Variants in HSDL2 observed in about 807,000 individuals in gnomAD.
HSDL2 encodes hydroxysteroid dehydrogenase-like protein 2.
Under a neutral mutation model 46.3 loss-of-function variants are expected in HSDL2, and 27 were observed. The observed-to-expected ratio is 0.58, with a 90% CI of 0.43 to 0.80. HSDL2 has a LOEUF of 0.80. HSDL2 is among the 30% of genes least tolerant of loss of function. The probability of loss-of-function intolerance (pLI) is 0.00; values close to 1 mark genes in which losing one functional copy is unlikely to be tolerated. For missense variants in HSDL2, 451 were observed against 502.7 expected, an observed-to-expected ratio of 0.90 and a Z score of 0.98; for synonymous variants, 153 against 163.6, an observed-to-expected ratio of 0.94 and a Z score of 0.50.
chr9:112,415,321 C>T (rs150848998), intron 4 of HSDL2, among the ~76,000 whole-genome samples: 9 of 152,258 alleles, frequency 5.9e-5, no homozygotes, highest in African/African-American at 1.9e-4. Context: ...ATACTAACAA[C>T]AGCGATTGTT....
At chr9:112,407,706 T>C (rs1370669921) in intron 3 of HSDL2, among the ~76,000 whole-genome samples, 4 of 152,216 alleles carry the variant, frequency 2.6e-5, no homozygotes, top group Admixed American at 2.0e-4. Context: ...CATGAGCCAC[T>C]GTCCCCAGCC....
intron 9 of HSDL2, 148 bp from the exon 10 acceptor site, chr9:112,459,301 T>C: frequency 1.3e-6 from 1 of 774,798 alleles, no homozygotes. Flanking sequence ...ACGTGCTTAA[T>C]AAATATTTGC....
At chr9:112,459,397 TAAG>T in intron 9 of HSDL2, 49 bp from the exon 10 acceptor site, 1 of 1,567,834 alleles carries the variant, frequency 6.4e-7, no homozygotes, top group Non-Finnish European at 8.7e-7. Flanking sequence ...TTATTAAATT[TAAG>T]AAGAACAGGG....
At chr9:112,404,389 G>T (rs1299570159) in intron 2 of HSDL2, among the ~76,000 whole-genome samples, 5 of 152,224 alleles carry the variant, frequency 3.3e-5, no homozygotes, top group South Asian at 4.2e-4. Flanking sequence ...TCATGGCGGG[G>T]CGTGGTGACT....
rs1222410096 is a variant in HSDL2 at position 112,470,577 on chromosome 9, C to T, written c.*33C>T. 3.3e-6 allele frequency: 4 copies of T among 1,210,394 alleles called. No homozygotes were observed. Among genetic ancestry groups the T allele is most frequent in the Non-Finnish European group, 4.7e-6 (4 of 843,362 alleles). 75.0% of individuals were successfully genotyped at this position (1,210,394 alleles called of 1,614,324 possible). A position where few individuals can be genotyped will look rare whatever the true frequency, so the allele number is the denominator to read the frequency against. On this transcript the variant is annotated 3_prime_UTR_variant, in exon 11 of 11. Transcript: ENST00000398805. ...TATAAAAAAAAAGTCGACTGCTATG[C>T]TCAAAAAGTAAAAAAAGCTCAACAG...
At chr9:112,446,439 T>C (rs938731150) in intron 8 of HSDL2, among the ~76,000 whole-genome samples, 1 of 152,142 alleles carries the variant, frequency 6.6e-6, no homozygotes, top group Non-Finnish European at 1.5e-5. Context: ...GCCTGGGCAA[T>C]GTAGCAATAG....
At chr9:112,403,867 T>C (rs1831662853) in intron 1 of HSDL2, 128 bp from the exon 2 acceptor site, 1 of 853,552 alleles carries the variant, frequency 1.2e-6, no homozygotes, top group African/African-American at 1.7e-5. Flanking sequence ...CAGATGGGCA[T>C]GGGGAGGGTT....
At chr9:112,380,324 C>G (rs1342014432) in intron 1 of HSDL2, 144 bp downstream of exon 1, 1 of 719,582 alleles carries the variant, frequency 1.4e-6, no homozygotes, top group Non-Finnish European at 2.2e-6. Flanking sequence ...CTCTGGTCCG[C>G]GCTGGGCACT....
At chr9:112,386,501 G>A (rs1212459551) in intron 1 of HSDL2, among the ~76,000 whole-genome samples, 1 of 152,026 alleles carries the variant, frequency 6.6e-6, no homozygotes, top group Non-Finnish European at 1.5e-5. Context: ...ATAATTTTGA[G>A]CTTGGCATGG....
intron 10 of HSDL2, among the ~76,000 whole-genome samples, chr9:112,461,081 A>T (rs7032247): frequency 0.95 from 142,821 of 150,720 alleles, 67,693 homozygotes; most frequent in South Asian, 0.98. Flanking sequence ...CCTTTAATGA[A>T]TTTTTTTTTT....
intron 1 of HSDL2, 142 bp downstream of exon 1, chr9:112,380,322 C>G (rs921115148): frequency 4.1e-6 from 3 of 729,246 alleles, no homozygotes; most frequent in African/African-American, 3.8e-5. Flanking sequence ...AGCTCTGGTC[C>G]GCGCTGGGCA....
intron 1 of HSDL2, 42 bp from the exon 2 acceptor site, chr9:112,403,953 A>G: frequency 6.3e-7 from 1 of 1,578,550 alleles, no homozygotes; most frequent in African/African-American, 1.4e-5. Context: ...CAGTAAATAA[A>G]ACATTGGGTC....
chr9:112,411,062 C>G (rs1209184649), intron 4 of HSDL2, among the ~76,000 whole-genome samples: 1 of 152,230 alleles, frequency 6.6e-6, no homozygotes, highest in Non-Finnish European at 1.5e-5. Context: ...GTTGCTGTAG[C>G]TGAGTGGCAG....
intron 1 of HSDL2, among the ~76,000 whole-genome samples, chr9:112,398,814 C>T (rs1427897023): frequency 6.6e-6 from 1 of 152,150 alleles, no homozygotes; most frequent in Non-Finnish European, 1.5e-5. Flanking sequence ...AAACCAAGGA[C>T]AGTGTTCTTC....
chr9:112,402,260 C>T (rs1365142297), intron 1 of HSDL2, among the ~76,000 whole-genome samples: 2 of 151,868 alleles, frequency 1.3e-5, no homozygotes, highest in African/African-American at 2.4e-5. Context: ...TAGGTGTCTC[C>T]GTTTCACTTA....
At chr9:112,392,567 GGAAAAGAATTTAGCA>G (rs1564103259) in intron 1 of HSDL2, among the ~76,000 whole-genome samples, 1 of 152,092 alleles carries the variant, frequency 6.6e-6, no homozygotes, top group Non-Finnish European at 1.5e-5. Context: ...TTCCTTGCTA[GGAAAAGAATTTAGCA>G]ATATCTCTCC....
At chr9:112,438,140 G>C (rs971408049) in intron 6 of HSDL2, among the ~76,000 whole-genome samples, 2 of 152,162 alleles carry the variant, frequency 1.3e-5, no homozygotes, top group African/African-American at 4.8e-5. Context: ...TACTCAGAAG[G>C]CTGGGTTCAA....
At chr9:112,426,962 A>G (rs1363633566) in intron 6 of HSDL2, among the ~76,000 whole-genome samples, 1 of 152,186 alleles carries the variant, frequency 6.6e-6, no homozygotes, top group Non-Finnish European at 1.5e-5. Flanking sequence ...CCACATGGCC[A>G]ATCTAGTTTT....
intron 6 of HSDL2, among the ~76,000 whole-genome samples, chr9:112,425,905 T>TG (rs1426118729): frequency 2.2e-5 from 3 of 137,802 alleles, no homozygotes; most frequent in African/African-American, 5.4e-5. Flanking sequence ...TTTTTCAGTT[T>TG]TTGTGTGTAT....
Sources: allele counts gnomAD v4.1 joint callset (sites outside exome capture counted in the v4.1 genomes callset), GRCh38; gene constraint gnomAD v4.1.1; transcripts MANE v1.5; gene names NCBI Gene and HGNC (gene_info 2026-07-23, HGNC 2026-07-21).